Variants in ARHGAP10 observed in about 807,000 individuals in gnomAD.
The protein encoded by ARHGAP10 is rho GTPase-activating protein 10.
Under a neutral mutation model 108.6 loss-of-function variants are expected in ARHGAP10, and 87 were observed. That is an observed-to-expected ratio of 0.80 (90% CI 0.67 to 0.96). ARHGAP10 has a LOEUF of 0.96. Ranked by LOEUF, ARHGAP10 falls within the 40% of genes least tolerant of loss-of-function variation. The pLI is 0.00. For missense variants in ARHGAP10, 939 were observed against 954.5 expected, an observed-to-expected ratio of 0.98 and a Z score of 0.21; for synonymous variants, 347 against 341.1, an observed-to-expected ratio of 1.02 and a Z score of -0.19.
At position 147,828,681 on chromosome 4, in the gene ARHGAP10, G is replaced by A. The variant is rs564434750; in HGVS notation, c.312+5724G>A. The stretch of plus-strand genomic sequence containing the variant: ...CTTGAGGGGAAACTGTTGAAATTTC[G>A]AAAAGAGGGAAGGATATGTTTGCAT... On this transcript the variant is annotated intron_variant, in intron 3 of 22. Coordinates refer to ENST00000336498, the MANE Select transcript of ARHGAP10 (RefSeq NM_024605.4). Among the ~76,000 whole-genome samples, 12 of 152,274 alleles carry A rather than the reference G, an allele frequency of 7.9e-5. 1 individual carries two copies. Among genetic ancestry groups the A allele is most frequent in the South Asian group, 6.2e-4 (3 of 4,818 alleles).
intron 3 of ARHGAP10, among the ~76,000 whole-genome samples, chr4:147,835,625 T>C (rs1435266183): frequency 6.6e-6 from 1 of 152,140 alleles, no homozygotes; most frequent in Non-Finnish European, 1.5e-5. Flanking sequence ...CTGCCCGCCT[T>C]GGCCTCCCAA....
intron 1 of ARHGAP10, among the ~76,000 whole-genome samples, chr4:147,735,115 A>T (rs538723690): frequency 3.3e-5 from 5 of 152,298 alleles, no homozygotes; most frequent in African/African-American, 1.2e-4. Context: ...TGCTGAATTC[A>T]ATTAGGTAGC....
intron 10 of ARHGAP10, among the ~76,000 whole-genome samples, chr4:147,902,239 A>G (rs1175566820): frequency 6.6e-6 from 1 of 152,074 alleles, no homozygotes; most frequent in Non-Finnish European, 1.5e-5. Context: ...ATGTTTTTGC[A>G]TTCAACTCTT....
chr4:147,862,055 G>A (rs1217101812), intron 5 of ARHGAP10: 1 of 152,292 alleles, frequency 6.6e-6, no homozygotes, highest in Non-Finnish European at 1.5e-5. Context: ...GTCATCCATG[G>A]CGCCCAAGGT....
intron 7 of ARHGAP10, among the ~76,000 whole-genome samples, chr4:147,868,490 C>A (rs1213581941): frequency 6.6e-6 from 1 of 152,146 alleles, no homozygotes; most frequent in African/African-American, 2.4e-5. Flanking sequence ...CCTTCCTCAG[C>A]CTCCCAAGAT....
chr4:147,867,926 CTTTTTTT>C (rs57058691), intron 7 of ARHGAP10, among the ~76,000 whole-genome samples: 19 of 135,616 alleles, frequency 1.4e-4, no homozygotes, highest in African/African-American at 5.3e-4. Flanking sequence ...TTGTTTCTAA[CTTTTTTT>C]TTTTTTTATG....
chr4:148,071,960 T>A (rs1730201238), intron 22 of ARHGAP10, 33 bp from the exon 23 acceptor site: 2 of 1,599,910 alleles, frequency 1.3e-6, no homozygotes, highest in Non-Finnish European at 1.7e-6. Flanking sequence ...CTTGGGGGCA[T>A]TTTGTAAAAG....
At chr4:147,822,854 C>T (rs1732562278) in intron 2 of ARHGAP10, 32 bp downstream of exon 2, 1 of 1,613,768 alleles carries the variant, frequency 6.2e-7, no homozygotes, top group African/African-American at 1.3e-5. Context: ...GTTTGTTTTC[C>T]TTTGCCATGG....
At chr4:147,993,779 G>A (rs369063060) in intron 18 of ARHGAP10, among the ~76,000 whole-genome samples, 3 of 152,352 alleles carry the variant, frequency 2.0e-5, no homozygotes, top group African/African-American at 7.2e-5. Flanking sequence ...TAGTAGGCCT[G>A]CAGAGGATAT....
intron 1 of ARHGAP10, among the ~76,000 whole-genome samples, chr4:147,747,803 A>G (rs1560736970): frequency 6.6e-6 from 1 of 152,304 alleles, no homozygotes; most frequent in Middle Eastern, 3.4e-3. Flanking sequence ...AGAAAAAAAA[A>G]AGAAATTTTG....
chr4:147,766,834 ATATATT>A (rs1436500610), intron 1 of ARHGAP10, among the ~76,000 whole-genome samples: 201 of 103,150 alleles, frequency 1.9e-3, no homozygotes, highest in African/African-American at 9.2e-3. Flanking sequence ...ATATATATAT[ATATATT>A]TATTTATTTA....
chr4:147,897,653 T>C (rs536678905), intron 10 of ARHGAP10, among the ~76,000 whole-genome samples: 1 of 152,336 alleles, frequency 6.6e-6, no homozygotes, highest in South Asian at 2.1e-4. Context: ...CCTTTCGCTC[T>C]CTGTGCTCTT....
intron 18 of ARHGAP10, among the ~76,000 whole-genome samples, chr4:147,984,309 C>G (rs148556057): frequency 4.6e-5 from 7 of 152,348 alleles, no homozygotes; most frequent in Non-Finnish European, 7.3e-5. Context: ...GAAGCAGTTT[C>G]TTTCAGCCCA....
intron 1 of ARHGAP10, among the ~76,000 whole-genome samples, chr4:147,754,781 T>C (rs901764968): frequency 2.0e-5 from 3 of 152,164 alleles, no homozygotes; most frequent in Non-Finnish European, 4.4e-5. Context: ...GTTAGAATTA[T>C]AATGAAGTCC....
chr4:147,919,352 T>C (rs1737132186), intron 13 of ARHGAP10, among the ~76,000 whole-genome samples: 1 of 152,184 alleles, frequency 6.6e-6, no homozygotes, highest in Non-Finnish European at 1.5e-5. Context: ...TAACAAACCA[T>C]ACTTTTCCAT....
At chr4:147,924,791 A>T (rs1051340465) in intron 13 of ARHGAP10, among the ~76,000 whole-genome samples, 20 of 152,156 alleles carry the variant, frequency 1.3e-4, no homozygotes, top group African/African-American at 4.6e-4. Flanking sequence ...AGGGATAAGG[A>T]TCAGATCTCC....
intron 1 of ARHGAP10, among the ~76,000 whole-genome samples, chr4:147,798,860 T>C (rs943073047): frequency 2.0e-5 from 3 of 148,738 alleles, no homozygotes; most frequent in Non-Finnish European, 4.4e-5. Context: ...CTACTTCCTT[T>C]AGTCTCCATG....
At chr4:148,052,339 TA>T (rs540156426) in intron 20 of ARHGAP10, among the ~76,000 whole-genome samples, 1,651 of 105,002 alleles carry the variant, frequency 0.016, 31 homozygotes, top group African/African-American at 0.047. Flanking sequence ...TCTGATTATG[TA>T]AAAAAAAAAA....
At chr4:147,798,004 G>A (rs1005420891) in intron 1 of ARHGAP10, among the ~76,000 whole-genome samples, 3 of 151,900 alleles carry the variant, frequency 2.0e-5, no homozygotes, top group Admixed American at 6.6e-5. Context: ...TGATTAGATC[G>A]AGGACCAAGA....
Sources: gnomAD v4.1 joint callset for allele counts (sites outside exome capture counted in the v4.1 genomes callset) on GRCh38, gnomAD v4.1.1 for gene constraint, MANE v1.5 for transcripts, NCBI Gene and HGNC (gene_info 2026-07-23, HGNC 2026-07-21) for gene names.